UNC13C: variants seen among roughly 807,000 people sequenced by gnomAD.
The protein encoded by UNC13C is protein unc-13 homolog C.
Under a neutral mutation model 245.4 loss-of-function variants are expected in UNC13C, and 174 were observed. The observed-to-expected ratio is 0.71, with a 90% CI of 0.63 to 0.80. The LOEUF (loss-of-function observed/expected upper bound fraction) is 0.80, where lower values mean the gene tolerates loss of function less well. Among genes scored for constraint, UNC13C ranks in the 30% least tolerant of loss-of-function variants. The pLI is 0.00. For synonymous variants in UNC13C, 992 were observed against 895.1 expected (o/e 1.11, Z -1.93); for missense variants, 2,829 against 2,602.9 (o/e 1.09, Z -1.89).
chr15:53,913,538 T>A, the UNC13C span: 1 of 152,276 alleles, frequency 6.6e-6, no homozygotes, highest in African/African-American at 2.4e-5. Flanking sequence ...ATGGCAGGAA[T>A]GGCTACAATC....
In UNC13C at chr15:54,364,633, G is replaced by A. The variant is rs139387545; in HGVS notation, c.4713+26144G>A. On this transcript the variant is annotated intron_variant, in intron 17 of 32. Coordinates refer to ENST00000260323, the MANE Select transcript of UNC13C (RefSeq NM_001080534.3). The stretch of plus-strand genomic sequence containing the variant: ...CTTCACTGTAGTGACTTTTTTGTTG[G>A]AACAAACTCACACAAATCTAAATAA... 9.9e-4 allele frequency among the ~76,000 whole-genome samples: 151 copies of A among 152,074 alleles called. No individual in the cohort carries two copies. In the East Asian group the frequency reaches 0.028, roughly 28 times the overall value.
At chr15:54,473,244 T>C (rs1484470305) in intron 19 of UNC13C, among the ~76,000 whole-genome samples, 1 of 151,916 alleles carries the variant, frequency 6.6e-6, no homozygotes, top group Non-Finnish European at 1.5e-5. Flanking sequence ...ACATAATAAT[T>C]ATACATATGT....
chr15:54,398,151 T>C (rs2040109251), intron 18 of UNC13C, among the ~76,000 whole-genome samples: 1 of 151,310 alleles, frequency 6.6e-6, no homozygotes, highest in Non-Finnish European at 1.5e-5. Context: ...ATTCCGAAAG[T>C]TTTTATCATG....
At chr15:54,414,631 G>T (rs534067783) in intron 18 of UNC13C, among the ~76,000 whole-genome samples, 1 of 151,228 alleles carries the variant, frequency 6.6e-6, no homozygotes, top group South Asian at 2.1e-4. Flanking sequence ...TGGGTGAAGA[G>T]TGAGACTCTG....
intron 13 of UNC13C, among the ~76,000 whole-genome samples, chr15:54,306,205 G>T (rs2037720067): frequency 6.6e-6 from 1 of 151,910 alleles, no homozygotes; most frequent in African/African-American, 2.4e-5. Flanking sequence ...TTCTGTGAGG[G>T]TACCATTTAT....
At chr15:54,412,061 C>T (rs938165034) in intron 18 of UNC13C, among the ~76,000 whole-genome samples, 2 of 151,920 alleles carry the variant, frequency 1.3e-5, no homozygotes, top group African/African-American at 4.8e-5. Flanking sequence ...TCCATTTTGA[C>T]ACTGCTATAA....
intron 2 of UNC13C, among the ~76,000 whole-genome samples, chr15:54,046,723 C>T (rs573301811): frequency 6.6e-6 from 1 of 151,484 alleles, no homozygotes; most frequent in South Asian, 2.1e-4. Flanking sequence ...TTAAGCTTTT[C>T]ATTGAAATAT....
At chr15:53,884,810 C>T in the UNC13C span, among the ~76,000 whole-genome samples, 44 of 152,176 alleles carry the variant, frequency 2.9e-4, no homozygotes, top group African/African-American at 1.0e-3. Context: ...TCTCTAGTTC[C>T]CCCCTCTTTC....
intron 4 of UNC13C, among the ~76,000 whole-genome samples, chr15:54,209,420 G>GT (rs59822971): frequency 0.26 from 39,418 of 150,074 alleles, 5,174 homozygotes; most frequent in Middle Eastern, 0.29. Context: ...TTGGTTTTTT[G>GT]TTTTTTTTTG....
intron 2 of UNC13C, chr15:54,049,485 C>A: frequency 2.8e-6 from 1 of 351,396 alleles, no homozygotes. Context: ...GTGCAGAGTT[C>A]AAAGATACTT....
the UNC13C span, among the ~76,000 whole-genome samples, chr15:53,873,002 C>A: frequency 1.3e-5 from 2 of 152,140 alleles, no homozygotes; most frequent in South Asian, 4.1e-4. Flanking sequence ...TTTTTCTTGT[C>A]CTTCCACAGG....
intron 1 of UNC13C, among the ~76,000 whole-genome samples, chr15:54,010,894 T>A (rs141534744): frequency 1.8e-4 from 28 of 152,256 alleles, no homozygotes; most frequent in African/African-American, 6.7e-4. Flanking sequence ...TTATTGAGAT[T>A]AGTAATTCAG....
At chr15:53,938,859 G>T in the UNC13C span, among the ~76,000 whole-genome samples, 1 of 152,138 alleles carries the variant, frequency 6.6e-6, no homozygotes, top group Admixed American at 6.5e-5. Flanking sequence ...GCACTGTTAA[G>T]AGGGAAATTT....
chr15:54,039,114 C>A (rs1325686885), intron 2 of UNC13C, among the ~76,000 whole-genome samples: 1 of 152,184 alleles, frequency 6.6e-6, no homozygotes, highest in African/African-American at 2.4e-5. Flanking sequence ...GTGCCCCCTC[C>A]TGCATTCAGA....
intron 13 of UNC13C, among the ~76,000 whole-genome samples, chr15:54,319,229 T>A (rs891714498): frequency 4.0e-5 from 6 of 151,752 alleles, no homozygotes; most frequent in Non-Finnish European, 8.8e-5. Flanking sequence ...TTTTAGGCAT[T>A]ACATTTTCCA....
chr15:54,447,108 T>C (rs1356998954), intron 19 of UNC13C, among the ~76,000 whole-genome samples: 1 of 152,220 alleles, frequency 6.6e-6, no homozygotes, highest in Non-Finnish European at 1.5e-5. Context: ...GATTTGCATG[T>C]GTTGAACCAG....
chr15:54,464,054 AG>A (rs755520913), intron 19 of UNC13C, among the ~76,000 whole-genome samples: 2 of 152,242 alleles, frequency 1.3e-5, no homozygotes, highest in Non-Finnish European at 2.9e-5. Context: ...TATAAATATC[AG>A]TAGTAATTTC....
chr15:54,150,408 C>T (rs181050790), intron 4 of UNC13C, among the ~76,000 whole-genome samples: 12 of 152,316 alleles, frequency 7.9e-5, no homozygotes, highest in East Asian at 3.9e-4. Flanking sequence ...TTGTATCATG[C>T]CTGTTAGTCC....
chr15:53,874,075 C>T, the UNC13C span, among the ~76,000 whole-genome samples: 4,326 of 151,888 alleles, frequency 0.028, 222 homozygotes, highest in African/African-American at 0.1. Context: ...CTCTAGGCTC[C>T]GTCAATTTTC....
Sources: allele counts gnomAD v4.1 joint callset (sites outside exome capture counted in the v4.1 genomes callset), GRCh38; gene constraint gnomAD v4.1.1; transcripts MANE v1.5; gene names NCBI Gene and HGNC (gene_info 2026-07-23, HGNC 2026-07-21).